The following ADGRF1 variants were observed in gnomAD, a reference collection of about 807,000 sequenced individuals.
The protein encoded by ADGRF1 is G protein-coupled receptor 110.
ADGRF1 carries 85 observed loss-of-function variants against 87.2 expected under a neutral mutation model. The observed-to-expected ratio is 0.97, with a 90% CI of 0.82 to 1.17. The LOEUF (loss-of-function observed/expected upper bound fraction) is 1.17, where lower values mean the gene tolerates loss of function less well. Among genes scored for constraint, ADGRF1 ranks in the 50% most tolerant of loss-of-function variants. The pLI, the probability that ADGRF1 is intolerant of heterozygous loss-of-function variation, is 0.00. For missense variants in ADGRF1, 1,169 were observed against 1,077.2 expected (o/e 1.09, Z -1.19); for synonymous variants, 430 against 408.8 (o/e 1.05, Z -0.63).
At position 47,027,727 on chromosome 6, in the gene ADGRF1, A is replaced by G. The variant is rs370565777; in HGVS notation, c.104T>C (p.Ile35Thr). ...ACCTAGATGTTTTTTCTTATTCACA[A>G]TGAGTTCTTTTTTTGTTTTGATGCC... ...NDGIKTKKEL[I>T]VNKKKHLGPV... The change falls in exon 3 of 15, where the codon ATT becomes ACT. Residue 35 changes from isoleucine to threonine, a missense_variant. Coordinates refer to ENST00000371253, the MANE Select transcript of ADGRF1 (RefSeq NM_153840.4). 2 of 1,604,102 alleles carry G rather than the reference A, an allele frequency of 1.2e-6. No individual in the cohort carries two copies. Among genetic ancestry groups the G allele is most frequent in the African/African-American group, 1.3e-5 (1 of 74,710 alleles).
chr6:47,019,751 GA>G (rs568131460), intron 7 of ADGRF1: 22 of 980,382 alleles, frequency 2.2e-5, no homozygotes, highest in East Asian at 1.1e-4. Context: ...AGTTAACTGT[GA>G]AAAAAAATCA....
chr6:47,027,707 G>C lies in ADGRF1; in HGVS notation c.124C>G (p.Leu42Val). 3 of 1,604,068 alleles carry C rather than the reference G, an allele frequency of 1.9e-6. No homozygotes were observed. Among genetic ancestry groups the C allele is most frequent in the Non-Finnish European group, 2.6e-6 (3 of 1,171,260 alleles). Residue 42 changes from leucine to valine, a missense_variant, in exon 3 of 15, where the codon CTA becomes GTA. By Grantham distance (32) the Leu-to-Val change is conservative (BLOSUM62 1). Coordinates refer to ENST00000371253, the MANE Select transcript of ADGRF1 (RefSeq NM_153840.4). ...KELIVNKKKH[L>V]GPVEEYQLLL... is the part of the protein sequence containing the mutation. The stretch of plus-strand genomic sequence containing the variant: ...ATGCTGTCTAACAGAGCCTCACCTA[G>C]ATGTTTTTTCTTATTCACAATGAGT...
chr6:47,004,730 A>G (rs1582136429), intron 13 of ADGRF1, among the ~76,000 whole-genome samples: 1 of 152,338 alleles, frequency 6.6e-6, no homozygotes, highest in Non-Finnish European at 1.5e-5. Context: ...GTTCTTCCAG[A>G]CATAAAATCT....
intron 9 of ADGRF1, 99 bp from the exon 10 acceptor site, chr6:47,012,294 G>T: frequency 6.5e-7 from 1 of 1,531,080 alleles, no homozygotes; most frequent in Non-Finnish European, 8.8e-7. Flanking sequence ...ACATTTGTAT[G>T]GTGTGTTCTA....
rs530917682 is a variant in ADGRF1, at chr6:47,016,712, A to C, written c.668T>G (p.Leu223Arg). The stretch of plus-strand genomic sequence containing the variant: ...GGCAACATGTTCAATGGCTGACAGC[A>C]GTTCAGATGCACTGCTGGAGCCAAC... ...EVVGSSSASE[L>R]LSAIEHVAEK... Residue 223 changes from leucine (L) to arginine (R), a missense_variant, in exon 8 of 15, where the codon CTG becomes CGG. Transcript: ENST00000371253. 8 of 1,611,854 alleles carry C rather than the reference A, an allele frequency of 5.0e-6. No individual in the cohort carries two copies. In the African/African-American group the frequency reaches 1.1e-4, roughly 21 times the overall value.
At position 47,040,912 on chromosome 6, in the gene ADGRF1, T is replaced by C. The variant is rs7762320; in HGVS notation, c.-44+1279A>G. 5.3e-5 allele frequency among the ~76,000 whole-genome samples: 8 copies of C among 152,302 alleles called. No individual in the cohort carries two copies. In the South Asian group the frequency reaches 1.7e-3, roughly 32 times the overall value. On this transcript the variant is annotated intron_variant, in intron 1 of 14. Transcript: ENST00000371253. ...CCCAGCAACAGACAGACCCTGTTAT[T>C]GGGACACTGTCCCTGTTTTTTAAGA...
intron 1 of ADGRF1, among the ~76,000 whole-genome samples, chr6:47,034,679 G>T (rs774737246): frequency 1.3e-5 from 2 of 152,122 alleles, no homozygotes; most frequent in South Asian, 2.1e-4. Context: ...AACTCCAAAA[G>T]CCACAATCCA....
chr6:47,000,702 G>T (rs999225565), intron 14 of ADGRF1, among the ~76,000 whole-genome samples: 1 of 152,128 alleles, frequency 6.6e-6, no homozygotes, highest in Non-Finnish European at 1.5e-5. Context: ...CCAAGGGTCC[G>T]GGACAAGCAC....
intron 10 of ADGRF1, 65 bp downstream of exon 10, chr6:47,011,942 C>A: frequency 6.9e-7 from 1 of 1,447,354 alleles, no homozygotes; most frequent in Non-Finnish European, 9.5e-7. Context: ...ATATTTAAGG[C>A]TTTGTCATTC....
At chr6:47,019,435 G>A (rs1157013698) in intron 7 of ADGRF1, 26 of 923,330 alleles carry the variant, frequency 2.8e-5, no homozygotes, top group Non-Finnish European at 3.2e-5. Context: ...TGTAATCCCA[G>A]CACTTTGGGA....
intron 4 of ADGRF1, 115 bp from the exon 5 acceptor site, chr6:47,024,332 A>G (rs1433917414): frequency 2.5e-6 from 2 of 787,390 alleles, no homozygotes; most frequent in Admixed American, 2.9e-5. Context: ...TACATCTTCT[A>G]TGAGTTTTGT....
At chr6:47,019,392 C>T (rs1308258395) in intron 7 of ADGRF1, 2 of 985,010 alleles carry the variant, frequency 2.0e-6, no homozygotes, top group Non-Finnish European at 2.4e-6. Context: ...TTGAAAATTT[C>T]CTATGGGTTG....
At chr6:47,036,871 C>A (rs1390486559) in intron 1 of ADGRF1, among the ~76,000 whole-genome samples, 1 of 152,164 alleles carries the variant, frequency 6.6e-6, no homozygotes, top group Non-Finnish European at 1.5e-5. Flanking sequence ...AGATTCTACA[C>A]CATACAGAAT....
intron 1 of ADGRF1, among the ~76,000 whole-genome samples, chr6:47,037,499 A>C (rs79937864): frequency 6.6e-6 from 1 of 152,086 alleles, no homozygotes; most frequent in African/African-American, 2.4e-5. Context: ...GATTTTACTT[A>C]TTCATTTTTA....
chr6:47,015,382 G>C (rs1779838980), intron 8 of ADGRF1, among the ~76,000 whole-genome samples: 1 of 151,664 alleles, frequency 6.6e-6, no homozygotes, highest in African/African-American at 2.4e-5. Context: ...CTAGGAGATG[G>C]AAACATTAAC....
Position 46,999,008 on chromosome 6 carries a change from G to C in ADGRF1, c.*1214C>G, listed in dbSNP as rs1016613541. The C allele has an allele frequency of 2.0e-5, 3 of 152,198 alleles. No individual in the cohort carries two copies. The highest frequency in any genetic ancestry group is 6.5e-5 in the Admixed American group (1 of 15,280). 9.4% of individuals were successfully genotyped at this position (152,198 alleles called of 1,614,324 possible). On this transcript the variant is annotated 3_prime_UTR_variant, in exon 15 of 15. Transcript: ENST00000371253. ...ATAGCATGAAGGCTTTCCATGTCAGGAGGCTAAGAGACACTCCCTAGGCCT... is the reference window on the plus strand; with the variant it reads ...ATAGCATGAAGGCTTTCCATGTCAGCAGGCTAAGAGACACTCCCTAGGCCT...
chr6:47,005,197 T>C lies in ADGRF1; in HGVS notation c.2592+620A>G, dbSNP rs191630327. ...CACAAAATATGTGTTCAAGCACTTT[T>C]GTTTCTAAATATACTATCCCCATAT... is the stretch of plus-strand genomic sequence containing the variant. On this transcript the variant is annotated intron_variant, in intron 13 of 14. Transcript: ENST00000371253. Among the ~76,000 whole-genome samples the C allele has an allele frequency of 1.3e-4, 20 of 152,326 alleles. No homozygotes were observed. The East Asian group carries it at 3.5e-3, about 26-fold the overall frequency.
chr6:47,012,863 A>G (rs994717151), intron 9 of ADGRF1: 6 of 763,046 alleles, frequency 7.9e-6, no homozygotes, highest in Non-Finnish European at 9.6e-6. Context: ...TCTGCCTCCC[A>G]GGTTCAAGGG....
At chr6:47,028,208 T>C (rs1371368028) in intron 2 of ADGRF1, among the ~76,000 whole-genome samples, 1 of 152,178 alleles carries the variant, frequency 6.6e-6, no homozygotes, top group Non-Finnish European at 1.5e-5. Flanking sequence ...ACAGAAGCAA[T>C]GCGTGCATTT....
Sources: gnomAD v4.1 joint callset for allele counts (sites outside exome capture counted in the v4.1 genomes callset) on GRCh38, gnomAD v4.1.1 for gene constraint, MANE v1.5 for transcripts, NCBI Gene and HGNC (gene_info 2026-07-23, HGNC 2026-07-21) for gene names.